NECAB1: variants seen among roughly 807,000 people sequenced by gnomAD.
NECAB1 encodes the protein N-terminal EF-hand calcium binding protein 1.
Under a neutral mutation model 57.5 loss-of-function variants are expected in NECAB1, and 29 were observed. The observed-to-expected ratio is 0.50, with a 90% CI of 0.38 to 0.69. NECAB1 has a LOEUF of 0.69. NECAB1 is among the 30% of genes least tolerant of loss of function. The pLI, the probability that NECAB1 is intolerant of heterozygous loss-of-function variation, is 0.00. For synonymous variants in NECAB1, 142 were observed against 147.7 expected, an observed-to-expected ratio of 0.96 and a Z score of 0.28; for missense variants, 372 against 413.8, an observed-to-expected ratio of 0.90 and a Z score of 0.88.
chr8:90,861,641 T>C (rs539911226), intron 3 of NECAB1, among the ~76,000 whole-genome samples: 1 of 152,316 alleles, frequency 6.6e-6, no homozygotes, highest in Non-Finnish European at 1.5e-5. Context: ...ACCACTTTAG[T>C]GGATACTAAT....
chr8:90,848,943 C>T (rs1332620009), intron 3 of NECAB1, among the ~76,000 whole-genome samples: 2 of 152,178 alleles, frequency 1.3e-5, no homozygotes, highest in East Asian at 3.8e-4. Flanking sequence ...AAGAGTGAGA[C>T]TCCATCTCAA....
At chr8:90,843,647 C>A (rs1812497236) in intron 3 of NECAB1, among the ~76,000 whole-genome samples, 1 of 152,222 alleles carries the variant, frequency 6.6e-6, no homozygotes, top group Admixed American at 6.5e-5. Flanking sequence ...ACACTGAACT[C>A]TGAGATTTGC....
chr8:90,936,755 G>A (rs1262203726), intron 9 of NECAB1, among the ~76,000 whole-genome samples: 2 of 152,082 alleles, frequency 1.3e-5, no homozygotes, highest in Admixed American at 6.5e-5. Context: ...TCTGGGCAAT[G>A]AGCCGTTACA....
intron 1 of NECAB1, among the ~76,000 whole-genome samples, chr8:90,792,969 T>C (rs1414564672): frequency 6.6e-6 from 1 of 152,186 alleles, no homozygotes; most frequent in Non-Finnish European, 1.5e-5. Flanking sequence ...GACAATTCTG[T>C]CTGCTTCTTG....
chr8:90,898,949 G>C (rs1033688118), intron 5 of NECAB1, among the ~76,000 whole-genome samples: 1 of 152,220 alleles, frequency 6.6e-6, no homozygotes, highest in Non-Finnish European at 1.5e-5. Flanking sequence ...CCAAGTGCAA[G>C]AGATATGTTG....
intron 5 of NECAB1, among the ~76,000 whole-genome samples, chr8:90,885,525 A>G (rs941155966): frequency 2.4e-4 from 37 of 152,202 alleles, no homozygotes; most frequent in African/African-American, 8.7e-4. Flanking sequence ...GGAGTTTTCA[A>G]CATGTTTTCA....
chr8:90,949,743 T>C, intron 10 of NECAB1, 64 bp from the exon 11 acceptor site: 2 of 905,992 alleles, frequency 2.2e-6, no homozygotes, highest in Non-Finnish European at 3.5e-6. Context: ...ATATGGATAT[T>C]AGAAAAGTTA....
rs371434387 is a variant in NECAB1 at position 90,925,528 on chromosome 8, G to A, written c.495-7G>A. The A allele has an allele frequency of 4.3e-6, 7 of 1,611,354 alleles. No individual in the cohort carries two copies. Among genetic ancestry groups the A allele is most frequent in the Non-Finnish European group, 5.9e-6 (7 of 1,178,876 alleles). On this transcript the variant is annotated splice_polypyrimidine_tract_variant and splice_region_variant and intron_variant, in intron 6 of 12. Coordinates refer to ENST00000417640, the MANE Select transcript of NECAB1 (RefSeq NM_022351.5). ...ATTAAGGTTAAATGTTATCTCTGTT[G>A]ATCAAGGCAAGGGCCAGCCAAGCCA...
At chr8:90,819,171 A>G (rs1201459133) in intron 2 of NECAB1, among the ~76,000 whole-genome samples, 1 of 151,844 alleles carries the variant, frequency 6.6e-6, no homozygotes, top group African/African-American at 2.4e-5. Context: ...TAGAATTTTT[A>G]TCCGTCTGTT....
intron 3 of NECAB1, among the ~76,000 whole-genome samples, chr8:90,830,272 A>G (rs1443280228): frequency 6.6e-6 from 1 of 152,042 alleles, no homozygotes; most frequent in Non-Finnish European, 1.5e-5. Flanking sequence ...AGCTTATACC[A>G]TCTTCAACTA....
intron 5 of NECAB1, among the ~76,000 whole-genome samples, chr8:90,897,055 T>C (rs548511435): frequency 2.7e-5 from 4 of 145,552 alleles, no homozygotes; most frequent in Non-Finnish European, 4.4e-5. Flanking sequence ...TACCTTGCTT[T>C]GCTGAGAAAA....
intron 1 of NECAB1, among the ~76,000 whole-genome samples, chr8:90,799,324 G>A (rs561898327): frequency 7.5e-4 from 114 of 152,008 alleles, no homozygotes; most frequent in African/African-American, 2.7e-3. Context: ...GTCAATTTTT[G>A]TTTTTGTTGC....
At chr8:90,839,383 A>G (rs958416507) in intron 3 of NECAB1, among the ~76,000 whole-genome samples, 1 of 152,186 alleles carries the variant, frequency 6.6e-6, no homozygotes, top group Non-Finnish European at 1.5e-5. Flanking sequence ...TTCCCTTTCA[A>G]TGAGGAGTTC....
intron 9 of NECAB1, among the ~76,000 whole-genome samples, chr8:90,937,437 A>T (rs1810563262): frequency 6.6e-6 from 1 of 152,166 alleles, no homozygotes; most frequent in Non-Finnish European, 1.5e-5. Context: ...ATGACATAAT[A>T]CTTAAGATGA....
intron 5 of NECAB1, among the ~76,000 whole-genome samples, chr8:90,899,250 G>A (rs1809439356): frequency 6.6e-6 from 1 of 152,158 alleles, no homozygotes. Context: ...AGCTGGAGAT[G>A]GGTAGTTAAG....
intron 3 of NECAB1, among the ~76,000 whole-genome samples, chr8:90,860,841 A>G (rs1162432606): frequency 6.6e-6 from 1 of 152,118 alleles, no homozygotes; most frequent in African/African-American, 2.4e-5. Flanking sequence ...AGAGTGGAGC[A>G]GGAACAAAGC....
chr8:90,877,804 G>C (rs1009942815), intron 4 of NECAB1, among the ~76,000 whole-genome samples: 6 of 152,166 alleles, frequency 3.9e-5, no homozygotes, highest in Non-Finnish European at 7.3e-5. Context: ...CTGACTTTTA[G>C]GATTTGTTTC....
intron 2 of NECAB1, among the ~76,000 whole-genome samples, chr8:90,806,891 G>C (rs1016375550): frequency 6.6e-6 from 1 of 152,142 alleles, no homozygotes; most frequent in Non-Finnish European, 1.5e-5. Flanking sequence ...AGCAAATGAA[G>C]CTCAGAGATG....
At chr8:90,846,467 A>G (rs909655384) in intron 3 of NECAB1, among the ~76,000 whole-genome samples, 1 of 152,230 alleles carries the variant, frequency 6.6e-6, no homozygotes, top group Non-Finnish European at 1.5e-5. Flanking sequence ...CTCTGTTTAG[A>G]TAAAACTGCA....
Sources: gnomAD v4.1 joint callset for allele counts (sites outside exome capture counted in the v4.1 genomes callset) on GRCh38, gnomAD v4.1.1 for gene constraint, MANE v1.5 for transcripts, NCBI Gene and HGNC (gene_info 2026-07-23, HGNC 2026-07-21) for gene names.